Variants in ZNF480 observed in about 807,000 individuals in gnomAD.
ZNF480 encodes zinc finger protein 480.
Under a neutral mutation model 14.4 loss-of-function variants are expected in ZNF480, and 15 were observed. The ratio of observed to expected loss-of-function variants is 1.04; its 90% CI spans 0.70 to 1.60. ZNF480 has a LOEUF of 1.60. ZNF480 is among the 40% of genes most tolerant of loss of function. The pLI is 0.00. For missense variants in ZNF480, 593 were observed against 629.7 expected (o/e 0.94, Z 0.62); for synonymous variants, 218 against 215.5 (o/e 1.01, Z -0.10).
At position 52,297,750 on chromosome 19, in the gene ZNF480, GCGTGTGGGGAGGTGA is replaced by G. The variant is rs547720862; in HGVS notation, c.-20+529_-20+543del. 5.7e-3 allele frequency: 862 copies of G among 152,344 alleles called. 7 individuals carry two copies. The highest frequency in any genetic ancestry group is 0.02 in the Middle Eastern group (6 of 304). 9.4% of individuals were successfully genotyped at this position (152,344 alleles called of 1,614,324 possible). On this transcript the variant is annotated intron_variant, in intron 1 of 4. Transcript: ENST00000595962. Reference sequence around the variant, plus strand: ...CCCAGACACCGCTTCTCCTAACCCTGCGTGTGGGGAGGTGACTTACTCTGTCTCTTGACATCCAGT... The same window carrying G: ...CCCAGACACCGCTTCTCCTAACCCTGCTTACTCTGTCTCTTGACATCCAGT...
rs1481909906 is a variant in ZNF480, at chr19:52,314,276, C to T, written c.196C>T (p.Leu66=). 6.4e-7 allele frequency: 1 copy of T among 1,552,280 alleles called. No individual in the cohort carries two copies. The highest frequency in any genetic ancestry group is 8.8e-7 in the Non-Finnish European group (1 of 1,142,370). The change falls in exon 3 of 5, where the codon CTG becomes TTG. Residue 66 remains leucine, a synonymous_variant. Coordinates refer to ENST00000595962, the MANE Select transcript of ZNF480 (RefSeq NM_144684.4). Reference sequence around the variant, plus strand: ...GGAGAACTACAGGAACCTGGTCTCCCTGGGTGAGGATCATGCCCCTGCAGA... The same window carrying T: ...GGAGAACTACAGGAACCTGGTCTCCTTGGGTGAGGATCATGCCCCTGCAGA... ...MLENYRNLVS[L]GISLPDLNIN...
intron 2 of ZNF480, among the ~76,000 whole-genome samples, chr19:52,311,396 TC>T (rs1983279094): frequency 6.6e-6 from 1 of 152,122 alleles, no homozygotes. Flanking sequence ...CAGGCTGTTC[TC>T]AAACCCCTGT....
intron 1 of ZNF480, among the ~76,000 whole-genome samples, chr19:52,299,534 A>G (rs756348215): frequency 1.1e-4 from 17 of 152,154 alleles, no homozygotes; most frequent in Non-Finnish European, 2.2e-4. Flanking sequence ...GATTTTATTA[A>G]TTTGTTAGCC....
At position 52,315,850 on chromosome 19, in the gene ZNF480, C is replaced by T. The variant is rs1335230245; in HGVS notation, c.216C>T (p.Asp72=). 4 of 1,610,594 alleles carry T rather than the reference C, an allele frequency of 2.5e-6. No homozygotes were observed. The highest frequency in any genetic ancestry group is 3.4e-6 in the Non-Finnish European group (4 of 1,178,028). The change falls in exon 4 of 5, where the codon GAC becomes GAT. Residue 72 remains aspartate (D), a synonymous_variant. Coordinates refer to ENST00000595962, the MANE Select transcript of ZNF480 (RefSeq NM_144684.4). ...NLVSLGISLP[D]LNINSMLEQR... is the part of the protein sequence containing the mutation. ...TACAAACAGGAATCTCTCTTCCTGA[C>T]CTGAATATTAACTCCATGTTGGAGC...
chr19:52,314,828 A>C (rs546826934), intron 3 of ZNF480, among the ~76,000 whole-genome samples: 43 of 152,058 alleles, frequency 2.8e-4, no homozygotes, highest in African/African-American at 1.0e-3. Flanking sequence ...ACAAACAAAC[A>C]AAAAACTAAA....
intron 4 of ZNF480, among the ~76,000 whole-genome samples, chr19:52,318,690 G>A (rs942455649): frequency 6.6e-6 from 1 of 152,060 alleles, no homozygotes; most frequent in African/African-American, 2.4e-5. Context: ...ATTTTTGCAT[G>A]GGGTGTAAAG....
At chr19:52,305,078 G>A (rs187146308) in intron 2 of ZNF480, among the ~76,000 whole-genome samples, 4 of 152,080 alleles carry the variant, frequency 2.6e-5, no homozygotes, top group African/African-American at 4.8e-5. Flanking sequence ...CAGCCTAGGG[G>A]ATGGAGCCAG....
At chr19:52,312,374 C>A (rs554470903) in intron 2 of ZNF480, among the ~76,000 whole-genome samples, 3 of 152,058 alleles carry the variant, frequency 2.0e-5, no homozygotes, top group African/African-American at 2.4e-5. Flanking sequence ...GTTGGTCAGG[C>A]TGGTCTTGAT....
chr19:52,311,852 G>A (rs946970415), intron 2 of ZNF480, among the ~76,000 whole-genome samples: 1 of 151,894 alleles, frequency 6.6e-6, no homozygotes, highest in Admixed American at 6.6e-5. Flanking sequence ...CTAAAAAATA[G>A]GTTATTGACA....
intron 4 of ZNF480, among the ~76,000 whole-genome samples, chr19:52,316,394 TTTTG>T (rs1477738818): frequency 6.6e-6 from 1 of 151,934 alleles, no homozygotes. Context: ...CCTGGCTAAT[TTTTG>T]TTTGTATTTT....
chr19:52,314,185 A>G lies in ZNF480; in HGVS notation c.105A>G (p.Glu35=), dbSNP rs1328959037. 1.3e-6 allele frequency: 2 copies of G among 1,580,958 alleles called. No homozygotes were observed. The highest frequency in any genetic ancestry group is 1.7e-6 in the Non-Finnish European group (2 of 1,158,982). ...TAACATTCAGGGACGTGGCCATAGA[A>G]TTCTCTCAGGCGGAGTGGAAATGCC... ...GHLTFRDVAI[E]FSQAEWKCLD... Residue 35 remains glutamate (E), a synonymous_variant, in exon 3 of 5, where the codon GAA becomes GAG. Coordinates refer to ENST00000595962, the MANE Select transcript of ZNF480 (RefSeq NM_144684.4).
intron 4 of ZNF480, 81 bp from the exon 5 acceptor site, chr19:52,321,498 G>A: frequency 1.7e-6 from 2 of 1,201,620 alleles, no homozygotes; most frequent in Admixed American, 2.5e-5. Context: ...AGTCAGATGA[G>A]GCAGATTCTA....
chr19:52,304,856 T>C (rs1272068196), intron 2 of ZNF480, among the ~76,000 whole-genome samples: 1 of 152,058 alleles, frequency 6.6e-6, no homozygotes, highest in African/African-American at 2.4e-5. Context: ...CCCAGCACTT[T>C]GGGAGGCCAA....
At chr19:52,310,394 C>T (rs1568631978) in intron 2 of ZNF480, among the ~76,000 whole-genome samples, 1 of 152,044 alleles carries the variant, frequency 6.6e-6, no homozygotes, top group Admixed American at 6.6e-5. Flanking sequence ...GTTAAAATGA[C>T]ATTCTTTGTC....
chr19:52,314,348 T>C, intron 3 of ZNF480, 69 bp downstream of exon 3: 1 of 1,385,852 alleles, frequency 7.2e-7, no homozygotes, highest in East Asian at 3.1e-5. Context: ...CTTGTGTGCC[T>C]CCTGGGAGCC....
At chr19:52,300,846 T>C in intron 2 of ZNF480, 1 of 268,558 alleles carries the variant, frequency 3.7e-6, no homozygotes, top group Non-Finnish European at 7.2e-6. Flanking sequence ...AAACAAAACA[T>C]TCTTAGCAAG....
chr19:52,315,557 G>T (rs1983512175), intron 3 of ZNF480, among the ~76,000 whole-genome samples: 1 of 151,794 alleles, frequency 6.6e-6, no homozygotes, highest in African/African-American at 2.4e-5. Flanking sequence ...CCGACCTCAG[G>T]TGATCCACCC....
At chr19:52,298,609 C>T (rs890931253) in intron 1 of ZNF480, among the ~76,000 whole-genome samples, 3 of 145,422 alleles carry the variant, frequency 2.1e-5, no homozygotes, top group Non-Finnish European at 4.5e-5. Context: ...CCAGGCTGGG[C>T]GACAAGAGCA....
At chr19:52,317,856 GT>G (rs1381343969) in intron 4 of ZNF480, among the ~76,000 whole-genome samples, 2 of 151,998 alleles carry the variant, frequency 1.3e-5, no homozygotes, top group African/African-American at 4.8e-5. Context: ...ATTTTCTGGT[GT>G]TTCATTTTTT....
Sources: allele counts gnomAD v4.1 joint callset (sites outside exome capture counted in the v4.1 genomes callset), GRCh38; gene constraint gnomAD v4.1.1; transcripts MANE v1.5; gene names NCBI Gene and HGNC (gene_info 2026-07-23, HGNC 2026-07-21).